Variants in SGMS1 observed in about 807,000 individuals in gnomAD.
SGMS1 encodes the protein phosphatidylcholine:ceramide cholinephosphotransferase 1.
Under a neutral mutation model 46.2 loss-of-function variants are expected in SGMS1, and 13 were observed. That is an observed-to-expected ratio of 0.28 (90% confidence interval 0.18 to 0.45). The LOEUF (loss-of-function observed/expected upper bound fraction) is 0.45, where lower values mean the gene tolerates loss of function less well. SGMS1 is among the 20% of genes least tolerant of loss of function. SGMS1 has a pLI of 1.00. For synonymous variants in SGMS1, 203 were observed against 187.8 expected, an observed-to-expected ratio of 1.08 and a Z score of -0.66; for missense variants, 324 against 519.9, an observed-to-expected ratio of 0.62 and a Z score of 3.66.
At chr10:50,497,650 C>T (rs906193933) in intron 3 of SGMS1, among the ~76,000 whole-genome samples, 18 of 152,042 alleles carry the variant, frequency 1.2e-4, no homozygotes, top group African/African-American at 3.1e-4. Context: ...AAAAATTAGC[C>T]GGACGTGGTG....
intron 6 of SGMS1, among the ~76,000 whole-genome samples, chr10:50,425,648 G>A (rs1279288737): frequency 6.6e-6 from 1 of 152,144 alleles, no homozygotes; most frequent in African/African-American, 2.4e-5. Context: ...TACTATGCTC[G>A]CTACCTGGAT....
At chr10:50,458,203 A>T (rs13377042) in intron 5 of SGMS1, among the ~76,000 whole-genome samples, 57 of 152,376 alleles carry the variant, frequency 3.7e-4, no homozygotes, top group African/African-American at 1.3e-3. Flanking sequence ...AATGCTAAAC[A>T]TAAGAAAATT....
chr10:50,489,420 T>C (rs986844861), intron 3 of SGMS1, among the ~76,000 whole-genome samples: 1 of 152,220 alleles, frequency 6.6e-6, no homozygotes, highest in Non-Finnish European at 1.5e-5. Flanking sequence ...ATATATGTGA[T>C]ATTATTCGAC....
chr10:50,428,715 C>G (rs1471166050), intron 6 of SGMS1, among the ~76,000 whole-genome samples: 1 of 152,184 alleles, frequency 6.6e-6, no homozygotes, highest in Non-Finnish European at 1.5e-5. Context: ...CTGGTACTCT[C>G]TCACCCACCT....
Position 50,307,921 on chromosome 10 carries a change from C to G in SGMS1, c.1062+61G>C. On this transcript the variant is annotated intron_variant, in intron 10 of 10. Transcript: ENST00000361781. The surrounding 1 kb of genome is among the most constrained non-coding windows in gnomAD (Gnocchi z 4.2). ...CATCCACAGGTTCTTTGCACCCTGT[C>G]CAAGCCAGCAACATCAAGCCAGAAA... 6.3e-7 allele frequency: 1 copy of G among 1,583,788 alleles called. No individual in the cohort carries two copies.
At chr10:50,581,485 G>C (rs1374433865) in intron 2 of SGMS1, among the ~76,000 whole-genome samples, 1 of 152,186 alleles carries the variant, frequency 6.6e-6, no homozygotes, top group Admixed American at 6.5e-5. Context: ...TTTTGTTGCT[G>C]ACATTACAGG....
At chr10:50,450,179 T>C (rs555571575) in intron 5 of SGMS1, among the ~76,000 whole-genome samples, 1 of 152,272 alleles carries the variant, frequency 6.6e-6, no homozygotes, top group South Asian at 2.1e-4. Flanking sequence ...TATAAATCCA[T>C]GGTAGTGAAA....
intron 2 of SGMS1, among the ~76,000 whole-genome samples, chr10:50,538,099 G>C (rs1838019633): frequency 6.8e-6 from 1 of 146,520 alleles, no homozygotes; most frequent in Admixed American, 7.0e-5. Context: ...GTGAGATCCT[G>C]CTCTGGAAAT....
intron 6 of SGMS1, among the ~76,000 whole-genome samples, chr10:50,425,729 C>A (rs149857634): frequency 0.014 from 2,142 of 152,146 alleles, 25 homozygotes; most frequent in Non-Finnish European, 0.021. Flanking sequence ...CGAATGTACC[C>A]CGGGTCTAAA....
intron 5 of SGMS1, among the ~76,000 whole-genome samples, chr10:50,434,883 CAAA>C (rs11398784): frequency 3.6e-5 from 4 of 110,364 alleles, no homozygotes; most frequent in Non-Finnish European, 1.8e-5. Flanking sequence ...GACTCCGTCT[CAAA>C]AAAAAAAAAA....
chr10:50,413,963 T>G (rs1397728667), intron 6 of SGMS1, among the ~76,000 whole-genome samples: 1 of 152,238 alleles, frequency 6.6e-6, no homozygotes, highest in Non-Finnish European at 1.5e-5. Context: ...TAAAGTATCA[T>G]TTCTCAGCTT....
At chr10:50,342,278 C>T (rs1343887838) in intron 7 of SGMS1, 1 of 152,092 alleles carries the variant, frequency 6.6e-6, no homozygotes, top group Non-Finnish European at 1.5e-5. Context: ...CTCTTAAAAC[C>T]AAAGGAACAG....
chr10:50,510,202 A>G (rs1837741634), intron 3 of SGMS1, among the ~76,000 whole-genome samples: 2 of 152,180 alleles, frequency 1.3e-5, no homozygotes. Context: ...TGCGTTTGAG[A>G]TTCAGCCAAA....
At chr10:50,320,888 T>A (rs1270078349) in intron 8 of SGMS1, among the ~76,000 whole-genome samples, 1 of 152,198 alleles carries the variant, frequency 6.6e-6, no homozygotes, top group African/African-American at 2.4e-5. Context: ...GGCAAATGGC[T>A]CTGCAAATCT....
At chr10:50,448,199 C>G (rs953691825) in intron 5 of SGMS1, among the ~76,000 whole-genome samples, 2 of 152,070 alleles carry the variant, frequency 1.3e-5, no homozygotes, top group African/African-American at 4.8e-5. Flanking sequence ...CTGTAGTGAG[C>G]TGTGATGGCT....
chr10:50,458,339 C>CTCTTTTTT (rs1486288081), intron 5 of SGMS1, among the ~76,000 whole-genome samples: 4 of 97,142 alleles, frequency 4.1e-5, no homozygotes, highest in Admixed American at 1.2e-4. Context: ...TTCTTTTTCT[C>CTCTTTTTT]TTTTTTTTTT....
chr10:50,550,809 G>A (rs916103709), intron 2 of SGMS1, among the ~76,000 whole-genome samples: 7 of 152,100 alleles, frequency 4.6e-5, no homozygotes, highest in African/African-American at 9.7e-5. Flanking sequence ...AAATAAGGAC[G>A]TACTAAAACA....
intron 2 of SGMS1, among the ~76,000 whole-genome samples, chr10:50,561,056 G>C (rs7094723): frequency 0.13 from 19,200 of 152,122 alleles, 1,610 homozygotes; most frequent in Non-Finnish European, 0.18. Context: ...TATAAACTTT[G>C]GAACCCATAG....
At chr10:50,530,590 T>G (rs536599951) in intron 2 of SGMS1, among the ~76,000 whole-genome samples, 1 of 152,000 alleles carries the variant, frequency 6.6e-6, no homozygotes. Flanking sequence ...CTCCAAGCGA[T>G]CCTCCCGCCT....
Sources: gnomAD v4.1 joint callset for allele counts (sites outside exome capture counted in the v4.1 genomes callset) on GRCh38, gnomAD v4.1.1 for gene constraint, Gnocchi (gnomAD v3.1) non-coding constraint, MANE v1.5 for transcripts, NCBI Gene and HGNC (gene_info 2026-07-23, HGNC 2026-07-21) for gene names.